AFF1: variants seen among roughly 807,000 people sequenced by gnomAD.
The protein encoded by AFF1 is AF4/FMR2 family member 1.
In AFF1, 48 loss-of-function variants were observed where a neutral mutation model predicts 121.7. The ratio of observed to expected loss-of-function variants is 0.39; its 90% confidence interval spans 0.31 to 0.50. The LOEUF is 0.50. Among genes scored for constraint, AFF1 ranks in the 20% least tolerant of loss-of-function variants. AFF1 has a pLI of 0.76. For missense variants in AFF1, 1,523 were observed against 1,511.7 expected, an observed-to-expected ratio of 1.01 and a Z score of -0.12; for synonymous variants, 613 against 563.0, an observed-to-expected ratio of 1.09 and a Z score of -1.26.
At chr4:87,045,339 G>A (rs908556022) in intron 2 of AFF1, among the ~76,000 whole-genome samples, 1 of 151,912 alleles carries the variant, frequency 6.6e-6, no homozygotes, top group African/African-American at 2.4e-5. Context: ...GCGTGTGAGG[G>A]CTGGGAAGTG....
At chr4:87,068,765 C>T (rs1222962628) in intron 4 of AFF1, among the ~76,000 whole-genome samples, 1 of 152,126 alleles carries the variant, frequency 6.6e-6, no homozygotes, top group Non-Finnish European at 1.5e-5. Flanking sequence ...TCTTATGGCT[C>T]AGTACAAGGG....
intron 6 of AFF1, among the ~76,000 whole-genome samples, chr4:87,091,370 T>C (rs1724291806): frequency 6.6e-6 from 1 of 152,126 alleles, no homozygotes; most frequent in Non-Finnish European, 1.5e-5. Context: ...ACCACTGCAC[T>C]CCAGCCTGGG....
At chr4:86,951,615 CTTTTTTTCTT>C (rs1441480253) in intron 2 of AFF1, among the ~76,000 whole-genome samples, 3 of 124,944 alleles carry the variant, frequency 2.4e-5, no homozygotes, top group Admixed American at 8.6e-5. Context: ...TTTCTTTTTT[CTTTTTTTCTT>C]TTTTTTTTTT....
chr4:87,075,860 T>C (rs1171211170), intron 4 of AFF1, among the ~76,000 whole-genome samples: 1 of 152,218 alleles, frequency 6.6e-6, no homozygotes, highest in Non-Finnish European at 1.5e-5. Context: ...ACCATAAAAC[T>C]CTAATTACTT....
intron 12 of AFF1, 119 bp downstream of exon 12, chr4:87,115,418 G>T: frequency 9.3e-7 from 1 of 1,076,534 alleles, no homozygotes; most frequent in Non-Finnish European, 1.3e-6. Context: ...TCTTTGCTTT[G>T]ATTCGCTGTA....
chr4:87,124,294 C>T (rs1055109195), intron 12 of AFF1, among the ~76,000 whole-genome samples: 1 of 152,062 alleles, frequency 6.6e-6, no homozygotes, highest in African/African-American at 2.4e-5. Flanking sequence ...GTGACAGATT[C>T]CCTTTTCCTT....
rs1560673365 is a variant in AFF1 at position 87,138,649 on chromosome 4, A to ATT, written c.*2948_*2949insTT. On this transcript the variant is annotated 3_prime_UTR_variant, in exon 21 of 21. Coordinates refer to ENST00000395146, the MANE Select transcript of AFF1 (RefSeq NM_001166693.3). ...AAAAACACTTTACTAAAATTTATCA[A>ATT]ATTATACTGGGTTCGGATTGTGAAA... The ATT allele has an allele frequency of 1.7e-5, 4 of 230,690 alleles. No homozygotes were observed. In the Admixed American group the frequency reaches 2.3e-4, roughly 13 times the overall value. The allele number at this position is 230,690 out of a possible 1,614,324, so 14.3% of individuals were successfully genotyped here. A position where few individuals can be genotyped will look rare whatever the true frequency, so the allele number is the denominator to read the frequency against.
At chr4:86,963,665 A>G (rs374786241) in intron 2 of AFF1, among the ~76,000 whole-genome samples, 24 of 152,284 alleles carry the variant, frequency 1.6e-4, no homozygotes, top group Admixed American at 3.9e-4. Flanking sequence ...TGGTTTGCCA[A>G]TGATCTCAGG....
chr4:87,090,627 T>C (rs1328779939), intron 6 of AFF1, among the ~76,000 whole-genome samples: 1 of 152,196 alleles, frequency 6.6e-6, no homozygotes, highest in African/African-American at 2.4e-5. Context: ...ATCTGTGTTT[T>C]GTTCAATCTG....
At chr4:86,985,715 G>C (rs1285355526) in intron 2 of AFF1, among the ~76,000 whole-genome samples, 1 of 151,806 alleles carries the variant, frequency 6.6e-6, no homozygotes, top group South Asian at 2.1e-4. Context: ...ATACTAAATA[G>C]CAAAATCCAG....
intron 8 of AFF1, 145 bp from the exon 9 acceptor site, chr4:87,105,483 A>G (rs1446460592): frequency 2.6e-6 from 2 of 766,282 alleles, no homozygotes; most frequent in Non-Finnish European, 4.3e-6. Context: ...TAACATTTTC[A>G]GGAAGTCACA....
chr4:86,966,554 A>G (rs1264868773), intron 2 of AFF1, among the ~76,000 whole-genome samples: 5 of 151,264 alleles, frequency 3.3e-5, no homozygotes, highest in Non-Finnish European at 7.4e-5. Context: ...AATATTGTGT[A>G]TATTTTGAAG....
At chr4:87,072,684 C>T (rs1013197828) in intron 4 of AFF1, among the ~76,000 whole-genome samples, 16 of 151,874 alleles carry the variant, frequency 1.1e-4, no homozygotes, top group African/African-American at 3.1e-4. Context: ...CCCACCACCA[C>T]GCCTGGCTGA....
chr4:86,987,598 CAG>C (rs903963825), intron 2 of AFF1, among the ~76,000 whole-genome samples: 1 of 152,128 alleles, frequency 6.6e-6, no homozygotes, highest in African/African-American at 2.4e-5. Flanking sequence ...CAATAACCAC[CAG>C]AGAGTAGTAA....
At chr4:87,097,371 C>A (rs1237513439) in intron 8 of AFF1, among the ~76,000 whole-genome samples, 1 of 152,152 alleles carries the variant, frequency 6.6e-6, no homozygotes, top group African/African-American at 2.4e-5. Flanking sequence ...AAAAGTCACA[C>A]CCTACCACTC....
At position 87,047,523 on chromosome 4, in the gene AFF1, G is replaced by GA; in HGVS notation, c.994dup (p.Thr332AsnfsTer22). On this transcript the variant is annotated frameshift_variant, in exon 4 of 21. Transcript: ENST00000395146. LOFTEE classifies it high-confidence loss of function. ...GGAGGACTATCGACAGCAGACCTTT[G>GA]AAAAAACAGACTTGAAAGTGCCTGC... The GA allele has an allele frequency of 6.2e-7, 1 of 1,614,152 alleles. No individual in the cohort carries two copies. Among genetic ancestry groups the GA allele is most frequent in the Non-Finnish European group, 8.5e-7 (1 of 1,180,028 alleles).
At chr4:86,983,348 G>A (rs1723924398) in intron 2 of AFF1, among the ~76,000 whole-genome samples, 1 of 152,048 alleles carries the variant, frequency 6.6e-6, no homozygotes, top group Non-Finnish European at 1.5e-5. Context: ...CCAACATGGA[G>A]AAACCTCGTC....
At chr4:86,946,844 C>T (rs180824567) in intron 1 of AFF1, among the ~76,000 whole-genome samples, 1 of 152,226 alleles carries the variant, frequency 6.6e-6, no homozygotes, top group East Asian at 1.9e-4. Flanking sequence ...CACTCTCCAC[C>T]AAAGAGCCCT....
At chr4:87,112,173 C>T (rs1726605689) in intron 11 of AFF1, among the ~76,000 whole-genome samples, 1 of 152,210 alleles carries the variant, frequency 6.6e-6, no homozygotes, top group South Asian at 2.1e-4. Flanking sequence ...TATGTAACCA[C>T]ACCCTGAAGT....
Sources: allele counts gnomAD v4.1 joint callset (sites outside exome capture counted in the v4.1 genomes callset), GRCh38; gene constraint gnomAD v4.1.1; transcripts MANE v1.5; gene names NCBI Gene and HGNC (gene_info 2026-07-23, HGNC 2026-07-21).